TSPAN18: variants seen among roughly 807,000 people sequenced by gnomAD.
TSPAN18 encodes tetraspanin-18.
In TSPAN18, 14 loss-of-function variants were observed where a neutral mutation model predicts 27.3. The ratio of observed to expected loss-of-function variants is 0.51; its 90% CI spans 0.34 to 0.80. TSPAN18 has a LOEUF of 0.80. Among genes scored for constraint, TSPAN18 ranks in the 30% least tolerant of loss-of-function variants. The probability of loss-of-function intolerance (pLI) is 0.01; values close to 1 mark genes in which losing one functional copy is unlikely to be tolerated. For missense variants in TSPAN18, 268 were observed against 323.9 expected, an observed-to-expected ratio of 0.83 and a Z score of 1.32; for synonymous variants, 143 against 136.5, an observed-to-expected ratio of 1.05 and a Z score of -0.33.
At chr11:44,739,370 C>T (rs903330025) in intron 1 of TSPAN18, among the ~76,000 whole-genome samples, 7 of 152,142 alleles carry the variant, frequency 4.6e-5, no homozygotes, top group Non-Finnish European at 7.3e-5. Flanking sequence ...GCCTGTTAAT[C>T]CCAGCACTTT....
chr11:44,801,036 A>G (rs1408599836), intron 2 of TSPAN18, among the ~76,000 whole-genome samples: 1 of 152,180 alleles, frequency 6.6e-6, no homozygotes, highest in Non-Finnish European at 1.5e-5. Flanking sequence ...TTTAAACTGT[A>G]CAGTTGTCCC....
chr11:44,787,215 T>C (rs930289216), intron 2 of TSPAN18, among the ~76,000 whole-genome samples: 20 of 152,248 alleles, frequency 1.3e-4, no homozygotes, highest in African/African-American at 4.6e-4. Flanking sequence ...ATTACTTCCA[T>C]CAACTCACTT....
At chr11:44,886,529 A>T (rs1858659655) in intron 3 of TSPAN18, 1 of 152,168 alleles carries the variant, frequency 6.6e-6, no homozygotes, top group Non-Finnish European at 1.5e-5. Context: ...GGTTGTGGGG[A>T]TCAAGCAAGA....
At chr11:44,740,462 G>A (rs549061728) in intron 1 of TSPAN18, among the ~76,000 whole-genome samples, 11 of 152,280 alleles carry the variant, frequency 7.2e-5, no homozygotes, top group African/African-American at 2.6e-4. Flanking sequence ...GGCCAGCCAG[G>A]GGCATGGGGC....
chr11:44,739,349 C>T (rs1011743694), intron 1 of TSPAN18, among the ~76,000 whole-genome samples: 4 of 152,188 alleles, frequency 2.6e-5, no homozygotes, highest in Middle Eastern at 3.4e-3. Context: ...TGGCTGGGTG[C>T]GGTGGCTCAT....
chr11:44,776,061 G>A (rs183326684), intron 2 of TSPAN18, among the ~76,000 whole-genome samples: 231 of 152,362 alleles, frequency 1.5e-3, no homozygotes, highest in African/African-American at 5.2e-3. Flanking sequence ...AGAGGATCCT[G>A]TGGGGCGTCT....
At chr11:44,888,904 T>A (rs1448141490) in intron 3 of TSPAN18, among the ~76,000 whole-genome samples, 2 of 152,212 alleles carry the variant, frequency 1.3e-5, no homozygotes, top group Non-Finnish European at 2.9e-5. Flanking sequence ...AATCCCCATG[T>A]GTCGAGGGAG....
At position 44,850,547 on chromosome 11, in the gene TSPAN18, T is replaced by A. The variant is rs2135187025; in HGVS notation, c.-152-9781T>A. Among the ~76,000 whole-genome samples the A allele has an allele frequency of 1.3e-5, 2 of 152,246 alleles. 1 individual carries two copies. The highest frequency in any genetic ancestry group is 4.2e-4 in the South Asian group (2 of 4,816). ...AAACCCTTCAATGTGGATGGAATGA[T>A]CATTGTAATAATAATAATAGTTTCC... On this transcript the variant is annotated intron_variant, in intron 2 of 9. Coordinates refer to ENST00000520358, the MANE Select transcript of TSPAN18 (RefSeq NM_130783.5).
chr11:44,927,834 T>G (rs1447177049), intron 9 of TSPAN18, among the ~76,000 whole-genome samples: 1 of 152,124 alleles, frequency 6.6e-6, no homozygotes, highest in Non-Finnish European at 1.5e-5. Context: ...TTTCTTCATC[T>G]GCAAAATGGG....
At chr11:44,851,237 G>A (rs1042809896) in intron 2 of TSPAN18, among the ~76,000 whole-genome samples, 2 of 152,140 alleles carry the variant, frequency 1.3e-5, no homozygotes, top group Non-Finnish European at 2.9e-5. Context: ...GGGACTGGCC[G>A]GCTCTGAGTG....
chr11:44,815,922 T>A (rs939949884), intron 2 of TSPAN18, among the ~76,000 whole-genome samples: 3 of 152,134 alleles, frequency 2.0e-5, no homozygotes, highest in African/African-American at 7.2e-5. Flanking sequence ...GCAGAGCAGA[T>A]GATGGAGTCT....
chr11:44,901,137 C>T lies in TSPAN18; in HGVS notation c.-10-5270C>T, dbSNP rs1204886532. The stretch of plus-strand genomic sequence containing the variant: ...CCAAAGCCCTCTTTTTACTCATCCA[C>T]CCTGCTCTGAAACTGGAACCCGGGC... On this transcript the variant is annotated intron_variant, in intron 3 of 9. Coordinates refer to ENST00000520358, the MANE Select transcript of TSPAN18 (RefSeq NM_130783.5). The T allele has an allele frequency of 3.9e-5, 6 of 152,202 alleles. No homozygotes were observed. In the East Asian group the frequency reaches 1.2e-3, roughly 29 times the overall value. 9.4% of individuals were successfully genotyped at this position (152,202 alleles called of 1,614,324 possible).
intron 3 of TSPAN18, among the ~76,000 whole-genome samples, chr11:44,880,964 C>T (rs1020814107): frequency 4.6e-5 from 7 of 152,206 alleles, no homozygotes; most frequent in East Asian, 1.9e-4. Flanking sequence ...ACTGGCTGTC[C>T]GTCCTCCTGT....
At chr11:44,784,741 C>A (rs1196527960) in intron 2 of TSPAN18, among the ~76,000 whole-genome samples, 1 of 144,506 alleles carries the variant, frequency 6.9e-6, no homozygotes, top group East Asian at 2.6e-4. Flanking sequence ...GTGATGATAA[C>A]CCAGCAACCA....
intron 2 of TSPAN18, among the ~76,000 whole-genome samples, chr11:44,811,425 G>A (rs1470473409): frequency 2.0e-5 from 3 of 151,762 alleles, no homozygotes; most frequent in Admixed American, 1.3e-4. Context: ...ATCTCCTAGT[G>A]ATAAACTCCT....
chr11:44,820,344 T>C (rs1175786412), intron 2 of TSPAN18, among the ~76,000 whole-genome samples: 1 of 152,226 alleles, frequency 6.6e-6, no homozygotes, highest in Non-Finnish European at 1.5e-5. Flanking sequence ...CTGTTGCTAA[T>C]GGTCAAGGGG....
chr11:44,829,271 G>T (rs142883110), intron 2 of TSPAN18, among the ~76,000 whole-genome samples: 1 of 152,218 alleles, frequency 6.6e-6, no homozygotes, highest in Non-Finnish European at 1.5e-5. Flanking sequence ...AATGACATGT[G>T]TCTACCGGTA....
chr11:44,790,593 CGTGTGTGTGCATGTGTTCGT>C (rs1197513617), intron 2 of TSPAN18, among the ~76,000 whole-genome samples: 4 of 132,688 alleles, frequency 3.0e-5, no homozygotes, highest in South Asian at 2.7e-4. Context: ...TGCATGTGTT[CGTGTGTGTGCATGTGTTCGT>C]GTGTGTGTGT....
intron 2 of TSPAN18, among the ~76,000 whole-genome samples, chr11:44,857,179 C>T (rs1857760413): frequency 6.6e-6 from 1 of 152,170 alleles, no homozygotes; most frequent in African/African-American, 2.4e-5. Context: ...TCAAGTCTCC[C>T]TGGGGAACTC....
Sources: allele counts gnomAD v4.1 joint callset (sites outside exome capture counted in the v4.1 genomes callset), GRCh38; gene constraint gnomAD v4.1.1; transcripts MANE v1.5; gene names NCBI Gene and HGNC (gene_info 2026-07-23, HGNC 2026-07-21).